Variants in RFX3 observed in about 807,000 individuals in gnomAD.
RFX3 encodes transcription factor RFX3.
In RFX3, 14 loss-of-function variants were observed where a neutral mutation model predicts 98.6. That is an observed-to-expected ratio of 0.14 (90% CI 0.09 to 0.22). The LOEUF (loss-of-function observed/expected upper bound fraction) is 0.22, where lower values mean the gene tolerates loss of function less well. Ranked by LOEUF, RFX3 falls within the 10% of genes least tolerant of loss-of-function variation. The probability of loss-of-function intolerance (pLI) is 1.00; values close to 1 mark genes in which losing one functional copy is unlikely to be tolerated. For missense variants in RFX3, 639 were observed against 926.9 expected (o/e 0.69, Z 4.03); for synonymous variants, 383 against 328.4 (o/e 1.17, Z -1.80).
chr9:3,493,776 GTCCAAA>G (rs1224629558), intron 1 of RFX3, among the ~76,000 whole-genome samples: 1 of 146,716 alleles, frequency 6.8e-6, no homozygotes, highest in Non-Finnish European at 1.5e-5. Context: ...CTTAGTTAAG[GTCCAAA>G]TCCTAAGCCA....
At chr9:3,412,412 C>T (rs75675289) in intron 1 of RFX3, among the ~76,000 whole-genome samples, 3,326 of 152,168 alleles carry the variant, frequency 0.022, 133 homozygotes, top group African/African-American at 0.077. Context: ...AAAGATAATG[C>T]TATTTTCGTT....
intron 1 of RFX3, among the ~76,000 whole-genome samples, chr9:3,414,547 G>C (rs1167398222): frequency 2.0e-5 from 3 of 149,388 alleles, no homozygotes; most frequent in East Asian, 3.9e-4. Context: ...ATATATATGA[G>C]TGTGTATATA....
intron 1 of RFX3, among the ~76,000 whole-genome samples, chr9:3,434,227 A>C (rs901070937): frequency 6.6e-6 from 1 of 152,152 alleles, no homozygotes; most frequent in Non-Finnish European, 1.5e-5. Context: ...CTGAGTGCCT[A>C]GATCAGTGTC....
intron 7 of RFX3, among the ~76,000 whole-genome samples, chr9:3,282,140 G>T (rs1286239239): frequency 4.6e-5 from 7 of 151,788 alleles, no homozygotes; most frequent in Admixed American, 4.0e-4. Context: ...AATCTCTTTG[G>T]AAAAAACTGT....
chr9:3,402,470 A>G (rs1343755509), intron 1 of RFX3, among the ~76,000 whole-genome samples: 1 of 152,118 alleles, frequency 6.6e-6, no homozygotes, highest in African/African-American at 2.4e-5. Context: ...GGTATAGTAA[A>G]AATAAACGAC....
intron 1 of RFX3, among the ~76,000 whole-genome samples, chr9:3,474,541 C>G (rs920391408): frequency 2.0e-5 from 3 of 152,150 alleles, no homozygotes; most frequent in African/African-American, 7.2e-5. Context: ...ATCAATGACG[C>G]TTTTAAAATT....
At chr9:3,448,554 C>T (rs1233469594) in intron 1 of RFX3, among the ~76,000 whole-genome samples, 2 of 152,080 alleles carry the variant, frequency 1.3e-5, no homozygotes, top group Non-Finnish European at 2.9e-5. Flanking sequence ...ATTCTGTCGC[C>T]CAGGCTAGAC....
At chr9:3,229,105 C>T (rs501805) in intron 15 of RFX3, among the ~76,000 whole-genome samples, 32,717 of 152,100 alleles carry the variant, frequency 0.22, 6,471 homozygotes, top group African/African-American at 0.53. Flanking sequence ...TTAGCCTCTT[C>T]GCAGAAGGAT....
intron 8 of RFX3, among the ~76,000 whole-genome samples, chr9:3,277,016 C>A (rs987787846): frequency 6.6e-6 from 1 of 151,900 alleles, no homozygotes; most frequent in African/African-American, 2.4e-5. Context: ...TTCTTTTTGG[C>A]ACTTGAAGTT....
At chr9:3,314,426 T>C (rs1830335085) in intron 4 of RFX3, among the ~76,000 whole-genome samples, 1 of 152,146 alleles carries the variant, frequency 6.6e-6, no homozygotes, top group South Asian at 2.1e-4. Flanking sequence ...ACATGCCAGA[T>C]TGTAAAGACC....
At chr9:3,504,970 ATATTATATAATATATATGTT>A (rs1816761096) in intron 1 of RFX3, among the ~76,000 whole-genome samples, 1 of 79,476 alleles carries the variant, frequency 1.3e-5, no homozygotes, top group African/African-American at 5.3e-5. Flanking sequence ...TATATAATAT[ATATTATATAATATATATGTT>A]ATATATATTA....
chr9:3,502,415 A>AT (rs1407591943), intron 1 of RFX3, among the ~76,000 whole-genome samples: 1 of 152,208 alleles, frequency 6.6e-6, no homozygotes. Context: ...CCAAAGGATA[A>AT]TTTCAGCCAC....
At chr9:3,303,652 A>C (rs1828929892) in intron 4 of RFX3, among the ~76,000 whole-genome samples, 1 of 151,788 alleles carries the variant, frequency 6.6e-6, no homozygotes, top group Non-Finnish European at 1.5e-5. Context: ...TCTGGGAAAA[A>C]AAAAAAAGTC....
intron 3 of RFX3, among the ~76,000 whole-genome samples, chr9:3,340,938 TAA>T (rs1433644752): frequency 6.6e-6 from 1 of 152,194 alleles, no homozygotes; most frequent in Non-Finnish European, 1.5e-5. Flanking sequence ...CATGCTGCTA[TAA>T]AGACACATGC....
chr9:3,455,031 T>TC (rs145424809), intron 1 of RFX3, among the ~76,000 whole-genome samples: 1,554 of 152,242 alleles, frequency 0.01, 35 homozygotes, highest in African/African-American at 0.035. Flanking sequence ...TGCCCCCTCA[T>TC]CCACCCAACT....
intron 1 of RFX3, among the ~76,000 whole-genome samples, chr9:3,431,338 G>C (rs756837076): frequency 1.3e-5 from 2 of 152,102 alleles, no homozygotes; most frequent in Non-Finnish European, 2.9e-5. Context: ...GCTGAGAAAA[G>C]TTACATTACA....
intron 1 of RFX3, among the ~76,000 whole-genome samples, chr9:3,462,674 A>G (rs953154073): frequency 1.3e-5 from 2 of 152,130 alleles, no homozygotes; most frequent in Non-Finnish European, 2.9e-5. Context: ...TAAAGCTATT[A>G]GAAACAGTGC....
At chr9:3,315,077 C>A (rs1281995646) in intron 4 of RFX3, among the ~76,000 whole-genome samples, 1 of 152,158 alleles carries the variant, frequency 6.6e-6, no homozygotes, top group Non-Finnish European at 1.5e-5. Flanking sequence ...ATACATTCTT[C>A]TCAGCATCAC....
chr9:3,443,345 C>T (rs1845763023), intron 1 of RFX3, among the ~76,000 whole-genome samples: 1 of 152,170 alleles, frequency 6.6e-6, no homozygotes, highest in South Asian at 2.1e-4. Flanking sequence ...TCCTGATGCC[C>T]TGCCTCCTAC....
Sources: gnomAD v4.1 joint callset for allele counts (sites outside exome capture counted in the v4.1 genomes callset) on GRCh38, gnomAD v4.1.1 for gene constraint, MANE v1.5 for transcripts, NCBI Gene and HGNC (gene_info 2026-07-23, HGNC 2026-07-21) for gene names.